The following MYO18A variants were observed in gnomAD, a reference collection of about 807,000 sequenced individuals.
The protein encoded by MYO18A is myosin XVIIIA.
In MYO18A, 78 loss-of-function variants were observed where a neutral mutation model predicts 235.8. That is an observed-to-expected ratio of 0.33 (90% CI 0.28 to 0.40). MYO18A has a LOEUF of 0.40. Ranked by LOEUF, MYO18A falls within the 10% of genes least tolerant of loss-of-function variation. MYO18A has a pLI of 1.00. For missense variants in MYO18A, 2,215 were observed against 2,699.3 expected (o/e 0.82, Z 3.98); for synonymous variants, 977 against 1,077.8 (o/e 0.91, Z 1.83).
chr17:29,115,756 G>C lies in MYO18A; in HGVS notation c.2135C>G (p.Ala712Gly). The C allele has an allele frequency of 6.3e-7, 1 of 1,597,294 alleles. No individual in the cohort carries two copies. The highest frequency in any genetic ancestry group is 8.5e-7 in the Non-Finnish European group (1 of 1,171,874). Residue 712 changes from alanine to glycine, a missense_variant, in exon 12 of 42, where the codon GCC becomes GGC. Physicochemically the swap from Ala to Gly is moderately conservative, Grantham distance 60 (BLOSUM62 0). Coordinates refer to ENST00000527372, the MANE Select transcript of MYO18A (RefSeq NM_078471.4). ...ACCCTTGTGCTGGTGCTTGAAGATG[G>C]CTGAGGACAGCTCCTCCAGGCTGCA... ...LGCSLEELSS[A>G]IFKHQHKGGT...
chr17:29,135,394 G>C (rs961875421), intron 2 of MYO18A, among the ~76,000 whole-genome samples: 1 of 152,156 alleles, frequency 6.6e-6, no homozygotes, highest in Admixed American at 6.5e-5. Flanking sequence ...GAGCCACCGC[G>C]CCCGGCCAAG....
Position 29,122,849 on chromosome 17 carries a change from C to T in MYO18A, c.1000-596G>A, listed in dbSNP as rs375316762. On this transcript the variant is annotated intron_variant, in intron 2 of 41. Coordinates refer to ENST00000527372, the MANE Select transcript of MYO18A (RefSeq NM_078471.4). ...CCTCCCCTCCAGAGGGTGCTCTACC[C>T]GGACCGGGGGACAGTGCCCAGGTGC... Among the ~76,000 whole-genome samples the T allele has an allele frequency of 1.8e-4, 28 of 152,350 alleles. 1 individual carries two copies. The South Asian group carries it at 5.2e-3, about 28-fold the overall frequency.
chr17:29,159,292 C>G (rs537941893), intron 2 of MYO18A, among the ~76,000 whole-genome samples: 1 of 152,172 alleles, frequency 6.6e-6, no homozygotes, highest in East Asian at 1.9e-4. Flanking sequence ...TCACCCACCA[C>G]GTCCCATGCC....
In MYO18A at chr17:29,111,502, T is replaced by C. The variant is rs1298746024; in HGVS notation, c.2822A>G (p.Asn941Ser). ...GGTGTAGTTCAGCCAGCCAGTCACA[T>C]TGTACTCTACCCAGTTGGTGCCATG... ...HSHGTNWVEYNVTGWLNYTKQ... is the reference protein window; with the variant it reads ...HSHGTNWVEYSVTGWLNYTKQ... The change falls in exon 17 of 42, where the codon AAT (asparagine) becomes AGT (serine). Residue 941 changes from asparagine (N) to serine (S), a missense_variant. Transcript: ENST00000527372. The surrounding 1 kb of genome is among the most constrained non-coding windows in gnomAD (Gnocchi z 5.1). The C allele has an allele frequency of 1.2e-6, 2 of 1,613,112 alleles. No homozygotes were observed. Among genetic ancestry groups the C allele is most frequent in the Non-Finnish European group, 1.7e-6 (2 of 1,179,640 alleles).
chr17:29,077,183 G>A (rs1277769686), intron 41 of MYO18A: 1 of 152,266 alleles, frequency 6.6e-6, no homozygotes, highest in South Asian at 2.1e-4. Flanking sequence ...CCGTAGCTTG[G>A]GTGATCTTTA....
At position 29,140,405 on chromosome 17, in the gene MYO18A, T is replaced by A; in HGVS notation, c.1000-18152A>T. The A allele has an allele frequency of 7.8e-7, 1 of 1,283,210 alleles. No homozygotes were observed. The highest frequency in any genetic ancestry group is 5.7e-5 in the East Asian group (1 of 17,548). 79.5% of individuals were successfully genotyped at this position (1,283,210 alleles called of 1,614,324 possible). ...CCGCTCTGATGCTGCTCTGGCTCCG[T>A]TAGCAGCTCAAAATAGCACAGGCTG... On this transcript the variant is annotated intron_variant, in intron 2 of 41. Coordinates refer to ENST00000527372, the MANE Select transcript of MYO18A (RefSeq NM_078471.4). The surrounding 1 kb of genome is among the most constrained non-coding windows in gnomAD (Gnocchi z 4.2).
intron 1 of MYO18A, among the ~76,000 whole-genome samples, chr17:29,176,387 GAA>G (rs71359276): frequency 2.1e-5 from 3 of 146,118 alleles, no homozygotes; most frequent in African/African-American, 7.5e-5. Flanking sequence ...GCTGGCAAAA[GAA>G]AAAAAAAACC....
intron 41 of MYO18A, among the ~76,000 whole-genome samples, chr17:29,081,382 A>C (rs1959592250): frequency 6.6e-6 from 1 of 152,234 alleles, no homozygotes. Flanking sequence ...CATTATCTGC[A>C]ATAACAAAAT....
rs1218557767 is a variant in MYO18A at position 29,141,983 on chromosome 17, C to T, written c.1000-19730G>A. ...TTTTTGAGACGGAGTCTCGCTCTGT[C>T]GCCCAGGCTGGAGTGCAGTGGCGTG... On this transcript the variant is annotated intron_variant, in intron 2 of 41. Coordinates refer to ENST00000527372, the MANE Select transcript of MYO18A (RefSeq NM_078471.4). 6.6e-5 allele frequency among the ~76,000 whole-genome samples: 10 copies of T among 152,210 alleles called. No individual in the cohort carries two copies. The South Asian group carries it at 8.3e-4, about 13-fold the overall frequency.
At chr17:29,165,002 C>T (rs2068249720) in intron 2 of MYO18A, among the ~76,000 whole-genome samples, 1 of 152,210 alleles carries the variant, frequency 6.6e-6, no homozygotes, top group African/African-American at 2.4e-5. Context: ...TAAATCAGAT[C>T]CAGTTACTCC....
At chr17:29,134,663 C>T (rs1266474785) in intron 2 of MYO18A, among the ~76,000 whole-genome samples, 3 of 152,126 alleles carry the variant, frequency 2.0e-5, no homozygotes, top group Non-Finnish European at 4.4e-5. Flanking sequence ...GCTGGGATTA[C>T]AGGCGCCCGC....
intron 41 of MYO18A, chr17:29,080,851 G>T: frequency 3.0e-6 from 3 of 985,434 alleles, no homozygotes; most frequent in Non-Finnish European, 3.6e-6. Flanking sequence ...CCTCTCAGGG[G>T]AGGCCGCCCG....
In MYO18A at chr17:29,093,361, G is replaced by A. The variant is rs757050642; in HGVS notation, c.4888C>T (p.Arg1630Trp). 2.5e-5 allele frequency: 41 copies of A among 1,612,442 alleles called. No individual in the cohort carries two copies. Among genetic ancestry groups the A allele is most frequent in the Admixed American group, 6.7e-5 (4 of 59,930 alleles). The stretch of plus-strand genomic sequence containing the variant: ...GTGGCGAGCTTGCCCTCCAGCTCCC[G>A]CTTCTCTCGCAGAACCTTCTGCTTG... The part of the protein sequence containing the change: ...EDKQKVLREK[R>W]ELEGKLATLS... The change falls in exon 32 of 42, where the codon CGG becomes TGG. Residue 1630 changes from arginine to tryptophan, a missense_variant. Coordinates refer to ENST00000527372, the MANE Select transcript of MYO18A (RefSeq NM_078471.4).
Position 29,082,445 on chromosome 17 carries a change from G to T in MYO18A, c.5898-7C>A, listed in dbSNP as rs77289958. The T allele has an allele frequency of 4.0e-4, 641 of 1,612,202 alleles. 1 individual carries two copies. The African/African-American group carries it at 7.5e-3, about 19-fold the overall frequency. On this transcript the variant is annotated splice_polypyrimidine_tract_variant and splice_region_variant and intron_variant, in intron 40 of 41. Coordinates refer to ENST00000527372, the MANE Select transcript of MYO18A (RefSeq NM_078471.4). ...CACATCAGAGTCTCCCTCACTGTAGGGATGAGGAGCAGAAAGGTAGACAAG... is the reference window on the plus strand; with the variant it reads ...CACATCAGAGTCTCCCTCACTGTAGTGATGAGGAGCAGAAAGGTAGACAAG...
At chr17:29,116,615 A>ACAC (rs904510173) in intron 10 of MYO18A, among the ~76,000 whole-genome samples, 160 bp from the exon 11 acceptor site, 2 of 150,492 alleles carry the variant, frequency 1.3e-5, no homozygotes, top group African/African-American at 4.9e-5. Context: ...GGACAAACGC[A>ACAC]CACACACACA....
intron 2 of MYO18A, among the ~76,000 whole-genome samples, chr17:29,155,690 T>C (rs1158395348): frequency 6.6e-6 from 1 of 152,202 alleles, no homozygotes; most frequent in Non-Finnish European, 1.5e-5. Flanking sequence ...GTGGCCCCAG[T>C]AGGCCAGAGA....
Position 29,085,758 on chromosome 17 carries a change from G to A in MYO18A, c.5853-110C>T. On this transcript the variant is annotated intron_variant, in intron 39 of 41. Transcript: ENST00000527372. ...GAAGACCTCTCTTCCCTCAGCAAGAGCCAGCTCTGGCTGGTTGAGACCAGG... is the reference window on the plus strand; with the variant it reads ...GAAGACCTCTCTTCCCTCAGCAAGAACCAGCTCTGGCTGGTTGAGACCAGG... 2.8e-6 allele frequency: 3 copies of A among 1,090,904 alleles called. No homozygotes were observed. The South Asian group carries it at 4.0e-5, about 14-fold the overall frequency. The allele number at this position is 1,090,904 out of a possible 1,614,324, so 67.6% of individuals were successfully genotyped here.
At chr17:29,165,224 C>T (rs907719653) in intron 2 of MYO18A, among the ~76,000 whole-genome samples, 7 of 152,278 alleles carry the variant, frequency 4.6e-5, no homozygotes, top group East Asian at 1.9e-4. Flanking sequence ...TGTTCCATGA[C>T]GGCCCTAATT....
At chr17:29,087,981 C>T (rs2066297035) in intron 37 of MYO18A, among the ~76,000 whole-genome samples, 1 of 151,918 alleles carries the variant, frequency 6.6e-6, no homozygotes, top group Non-Finnish European at 1.5e-5. Context: ...CCACTTAACC[C>T]TTCCTGTATG....
Sources: allele counts gnomAD v4.1 joint callset (sites outside exome capture counted in the v4.1 genomes callset), GRCh38; gene constraint gnomAD v4.1.1; non-coding constraint Gnocchi (gnomAD v3.1); transcripts MANE v1.5; gene names NCBI Gene and HGNC (gene_info 2026-07-23, HGNC 2026-07-21).